CCS: variants seen among roughly 807,000 people sequenced by gnomAD.
The protein encoded by CCS is superoxide dismutase copper chaperone.
CCS carries 32 observed loss-of-function variants against 35.5 expected under a neutral mutation model. The observed-to-expected ratio is 0.90, with a 90% CI of 0.68 to 1.21. The LOEUF (loss-of-function observed/expected upper bound fraction) is 1.21. CCS is among the 50% of genes most tolerant of loss of function. The pLI, the probability that CCS is intolerant of heterozygous loss-of-function variation, is 0.00. For missense variants in CCS, 342 were observed against 375.4 expected (o/e 0.91, Z 0.73); for synonymous variants, 130 against 147.2 (o/e 0.88, Z 0.84).
chr11:66,599,670 C>G, intron 4 of CCS, 34 bp downstream of exon 4: 1 of 1,592,578 alleles, frequency 6.3e-7, no homozygotes, highest in South Asian at 1.1e-5. Context: ...GTAGCATTCT[C>G]AGCTACACAT....
At chr11:66,599,729 C>G in intron 4 of CCS, 93 bp downstream of exon 4, 1 of 1,186,290 alleles carries the variant, frequency 8.4e-7, no homozygotes, top group African/African-American at 1.6e-5. Flanking sequence ...TACACACAGG[C>G]ACAACCTCCA....
Position 66,605,600 on chromosome 11 carries a change from G to A in CCS, c.671+8G>A, listed in dbSNP as rs1291744385. On this transcript the variant is annotated splice_region_variant and intron_variant, in intron 7 of 7. Transcript: ENST00000533244. ...AGGGAACTCCGGGGAGAGGTGAGTG[G>A]TGTCGGCCCCTGTAGGAGGCTGTGC... 2 of 1,612,024 alleles carry A rather than the reference G, an allele frequency of 1.2e-6. No homozygotes were observed. The highest frequency in any genetic ancestry group is 2.2e-5 in the East Asian group (1 of 44,882).
chr11:66,602,671 C>A (rs985909945), intron 5 of CCS, among the ~76,000 whole-genome samples: 1 of 152,352 alleles, frequency 6.6e-6, no homozygotes. Context: ...ACTGCCCGGG[C>A]AAAGCCCTCA....
Position 66,593,398 on chromosome 11 carries a change from G to A in CCS, c.39+98G>A, listed in dbSNP as rs539785358. Reference sequence around the variant, plus strand: ...GAAGAGGAGAAGGAGTGGGCACTTGGGTTGGGGCCTGGGGCCATGGGATGA... The same window carrying A: ...GAAGAGGAGAAGGAGTGGGCACTTGAGTTGGGGCCTGGGGCCATGGGATGA... On this transcript the variant is annotated intron_variant, in intron 1 of 7. Coordinates refer to ENST00000533244, the MANE Select transcript of CCS (RefSeq NM_005125.2). 42 of 1,305,264 alleles carry A rather than the reference G, an allele frequency of 3.2e-5. No homozygotes were observed. In the African/African-American group the frequency reaches 5.9e-4, roughly 18 times the overall value. 80.9% of individuals were successfully genotyped at this position (1,305,264 alleles called of 1,614,324 possible).
intron 5 of CCS, among the ~76,000 whole-genome samples, chr11:66,604,286 C>T (rs553941075): frequency 2.0e-5 from 3 of 152,246 alleles, no homozygotes; most frequent in South Asian, 4.1e-4. Context: ...ATCCCCTCCC[C>T]CTTCTTGATC....
intron 5 of CCS, among the ~76,000 whole-genome samples, chr11:66,601,285 G>T (rs1373307872): frequency 6.6e-6 from 1 of 152,062 alleles, no homozygotes; most frequent in Non-Finnish European, 1.5e-5. Context: ...TAGAGATGGG[G>T]TTTCACCAGG....
chr11:66,600,379 T>G (rs1858552818), intron 4 of CCS, 110 bp from the exon 5 acceptor site: 1 of 682,828 alleles, frequency 1.5e-6, no homozygotes, highest in Non-Finnish European at 2.4e-6. Flanking sequence ...TAGGCCTGTT[T>G]GTTGAATGAA....
At chr11:66,593,838 G>C (rs1011206541) in intron 2 of CCS, 124 bp downstream of exon 2, 1 of 901,972 alleles carries the variant, frequency 1.1e-6, no homozygotes, top group South Asian at 1.5e-5. Context: ...AGAGTGAAAG[G>C]CATGTTCTCA....
chr11:66,604,307 T>C lies in CCS; in HGVS notation c.490-1032T>C, dbSNP rs370857656. ...TCCCCCTTCTTGATCTTTCTACTGT[T>C]CAAATCTCCAACGCAGGGCGTAAAA... On this transcript the variant is annotated intron_variant, in intron 5 of 7. Coordinates refer to ENST00000533244, the MANE Select transcript of CCS (RefSeq NM_005125.2). 6.6e-4 allele frequency among the ~76,000 whole-genome samples: 101 copies of C among 152,234 alleles called. 2 individuals carry two copies. In the South Asian group the frequency reaches 0.021, roughly 31 times the overall value.
chr11:66,597,670 T>A (rs1386584081), intron 2 of CCS, among the ~76,000 whole-genome samples: 51 of 129,876 alleles, frequency 3.9e-4, no homozygotes, highest in East Asian at 1.2e-3. Context: ...GAGAATGGCG[T>A]GAACCCAGGA....
In CCS at chr11:66,593,725, G is replaced by A; in HGVS notation, c.112+11G>A. ...TGCAAGGGGTGGCAGGTAAGAACAG[G>A]GTAAACTTTTCTGCAGACAGTCCAG... is the stretch of plus-strand genomic sequence containing the variant. On this transcript the variant is annotated intron_variant, in intron 2 of 7. Coordinates refer to ENST00000533244, the MANE Select transcript of CCS (RefSeq NM_005125.2). 6.2e-7 allele frequency: 1 copy of A among 1,613,496 alleles called. No individual in the cohort carries two copies. Among genetic ancestry groups the A allele is most frequent in the Non-Finnish European group, 8.5e-7 (1 of 1,179,416 alleles).
intron 4 of CCS, 66 bp from the exon 5 acceptor site, chr11:66,600,423 G>T: frequency 1.1e-6 from 1 of 904,580 alleles, no homozygotes. Flanking sequence ...AATATAAATA[G>T]ATGAGAGGGT....
Position 66,605,827 on chromosome 11 carries a change from A to AGT in CCS, c.798_799dup (p.Ser267CysfsTer?). ...CCCATCGCTGGCAAGGGCCGAAAGG[A>AGT]GTCAGCGCAGCCCCCTGCCCACCTT... On this transcript the variant is annotated frameshift_variant, in exon 8 of 8. Transcript: ENST00000533244. LOFTEE classifies it high-confidence loss of function. 1 of 1,581,586 alleles carries AGT rather than the reference A, an allele frequency of 6.3e-7. No individual in the cohort carries two copies. Among genetic ancestry groups the AGT allele is most frequent in the Non-Finnish European group, 8.6e-7 (1 of 1,163,392 alleles).
intron 7 of CCS, 22 bp downstream of exon 7, chr11:66,605,614 A>C (rs1443731730): frequency 6.2e-7 from 1 of 1,608,630 alleles, no homozygotes; most frequent in African/African-American, 1.3e-5. Context: ...CGGCCCCTGT[A>C]GGAGGCTGTG....
Position 66,603,777 on chromosome 11 carries a change from C to T in CCS, c.490-1562C>T, listed in dbSNP as rs954859411. Among the ~76,000 whole-genome samples the T allele has an allele frequency of 3.9e-5, 6 of 151,976 alleles. No individual in the cohort carries two copies. In the South Asian group the frequency reaches 8.3e-4, roughly 21 times the overall value. On this transcript the variant is annotated intron_variant, in intron 5 of 7. Coordinates refer to ENST00000533244, the MANE Select transcript of CCS (RefSeq NM_005125.2). The stretch of plus-strand genomic sequence containing the variant: ...AGGAGAATAGCGTGAACCTGGGAGG[C>T]GGAGCTTGCAGTGAGCCGAGGTCGC...
intron 4 of CCS, 39 bp downstream of exon 4, chr11:66,599,675 A>G (rs1409682164): frequency 6.4e-7 from 1 of 1,566,220 alleles, no homozygotes; most frequent in Admixed American, 1.8e-5. Context: ...ATTCTCAGCT[A>G]CACATTTTCA....
intron 1 of CCS, 149 bp downstream of exon 1, chr11:66,593,449 C>A: frequency 1.0e-6 from 1 of 994,618 alleles, no homozygotes; most frequent in Non-Finnish European, 1.5e-6. Flanking sequence ...GTAGCAGGGG[C>A]CCTGCGTGAG....
chr11:66,605,425 G>A lies in CCS; in HGVS notation c.567+9G>A. ...AGGATGAGCAGCTGAAGGTAAGGTG[G>A]AAAAGAAGGTGGGCACCCTTCCTAA... On this transcript the variant is annotated intron_variant, in intron 6 of 7. Coordinates refer to ENST00000533244, the MANE Select transcript of CCS (RefSeq NM_005125.2). 6.2e-7 allele frequency: 1 copy of A among 1,614,130 alleles called. No individual in the cohort carries two copies. Among genetic ancestry groups the A allele is most frequent in the Non-Finnish European group, 8.5e-7 (1 of 1,179,978 alleles).
chr11:66,604,000 G>T (rs965286823), intron 5 of CCS, among the ~76,000 whole-genome samples: 4 of 151,874 alleles, frequency 2.6e-5, no homozygotes, highest in Admixed American at 2.6e-4. Flanking sequence ...CTGCACTCCA[G>T]CCTGGGCAAC....
Sources: gnomAD v4.1 joint callset for allele counts (sites outside exome capture counted in the v4.1 genomes callset) on GRCh38, gnomAD v4.1.1 for gene constraint, MANE v1.5 for transcripts, NCBI Gene and HGNC (gene_info 2026-07-23, HGNC 2026-07-21) for gene names.